The following FGF12 variants were observed in gnomAD, a reference collection of about 807,000 sequenced individuals.
The protein encoded by FGF12 is fibroblast growth factor 12B.
FGF12 carries 14 observed loss-of-function variants against 23.6 expected under a neutral mutation model. The ratio of observed to expected loss-of-function variants is 0.59; its 90% CI spans 0.39 to 0.93. The LOEUF is 0.93. Ranked by LOEUF, FGF12 falls within the 40% of genes least tolerant of loss-of-function variation. FGF12 has a pLI of 0.00. For synonymous variants in FGF12, 62 were observed against 77.3 expected, an observed-to-expected ratio of 0.80 and a Z score of 1.04; for missense variants, 175 against 217.8, an observed-to-expected ratio of 0.80 and a Z score of 1.24.
At chr3:192,726,067 T>C (rs1719204126) in intron 2 of FGF12, among the ~76,000 whole-genome samples, 1 of 152,192 alleles carries the variant, frequency 6.6e-6, no homozygotes, top group Admixed American at 6.5e-5. Flanking sequence ...ACCAATTAAA[T>C]ACTTAAAACA....
intron 4 of FGF12, among the ~76,000 whole-genome samples, chr3:192,213,332 A>T (rs758473072): frequency 5.3e-5 from 8 of 152,092 alleles, no homozygotes; most frequent in Non-Finnish European, 1.2e-4. Context: ...TGGATGAATC[A>T]GAATAGGAAT....
At position 192,187,649 on chromosome 3, in the gene FGF12, A is replaced by G. The variant is rs536496277; in HGVS notation, c.229-16993T>C. On this transcript the variant is annotated intron_variant, in intron 4 of 5. Transcript: ENST00000445105. ...AAGTGATAATGCTTCCTTCTTGAAT[A>G]AGAATCAGGACCAAGGAGAGCTTCC... is the stretch of plus-strand genomic sequence containing the variant. 3.9e-5 allele frequency among the ~76,000 whole-genome samples: 6 copies of G among 152,342 alleles called. No homozygotes were observed. In the South Asian group the frequency reaches 1.2e-3, roughly 32 times the overall value.
chr3:192,378,026 T>TTTTCTTTCTTTCTTTCTTTCTCTC (rs1719607878), intron 2 of FGF12, among the ~76,000 whole-genome samples: 1 of 69,442 alleles, frequency 1.4e-5, no homozygotes, highest in Non-Finnish European at 2.7e-5. Context: ...TGACTCTTTC[T>TTTTCTTTCTTTCTTTCTTTCTCTC]TTTCTTTCTT....
chr3:192,602,806 C>T (rs1714169557), intron 2 of FGF12, among the ~76,000 whole-genome samples: 2 of 151,408 alleles, frequency 1.3e-5, no homozygotes, highest in Non-Finnish European at 2.9e-5. Context: ...TACTAGCAAA[C>T]CAAATCCAGC....
intron 4 of FGF12, chr3:192,267,180 G>A (rs1178441531): frequency 6.6e-6 from 1 of 152,058 alleles, no homozygotes; most frequent in Non-Finnish European, 1.5e-5. Flanking sequence ...TCCTTGGAAA[G>A]GTGATTTCGT....
At chr3:192,559,845 T>A (rs200057663) in intron 2 of FGF12, among the ~76,000 whole-genome samples, 1 of 151,878 alleles carries the variant, frequency 6.6e-6, no homozygotes, top group South Asian at 2.1e-4. Context: ...GTTAATGAAT[T>A]AAAAAAATCA....
At chr3:192,420,924 G>A (rs537594659) in intron 2 of FGF12, among the ~76,000 whole-genome samples, 17 of 151,876 alleles carry the variant, frequency 1.1e-4, no homozygotes, top group Admixed American at 5.9e-4. Context: ...TCACAATTTG[G>A]AAAAACTCAA....
At chr3:192,259,813 G>T (rs947864523) in intron 4 of FGF12, among the ~76,000 whole-genome samples, 84 of 152,066 alleles carry the variant, frequency 5.5e-4, no homozygotes, top group Admixed American at 2.0e-4. Context: ...GTTTGCTGAA[G>T]CATAGGATGT....
chr3:192,446,203 T>C (rs979309697), intron 2 of FGF12, among the ~76,000 whole-genome samples: 3 of 152,230 alleles, frequency 2.0e-5, no homozygotes, highest in Admixed American at 2.0e-4. Flanking sequence ...AAGTGACTAC[T>C]TAAAAAGCTA....
At chr3:192,187,658 G>C (rs1007826051) in intron 4 of FGF12, among the ~76,000 whole-genome samples, 1 of 152,128 alleles carries the variant, frequency 6.6e-6, no homozygotes, top group Admixed American at 6.6e-5. Context: ...TAAGAATCAG[G>C]ACCAAGGAGA....
At position 192,723,861 on chromosome 3, in the gene FGF12, G is replaced by GAGAA. The variant is rs1386741779; in HGVS notation, c.13+3319_13+3320insTTCT. ...GGGAGGTGAGAGTGTGTGTGTGTGT[G>GAGAA]TGAGAGAGAGAGAGAGAGGAGAGGA... On this transcript the variant is annotated intron_variant, in intron 2 of 5. Transcript: ENST00000445105. Among the ~76,000 whole-genome samples, 3 of 127,238 alleles carry GAGAA rather than the reference G, an allele frequency of 2.4e-5. No homozygotes were observed. The East Asian group carries it at 9.1e-4, about 39-fold the overall frequency. 83.5% of individuals were successfully genotyped at this position (127,238 alleles called of 152,430 possible). A position where few individuals can be genotyped will look rare whatever the true frequency, so the allele number is the denominator to read the frequency against.
At chr3:192,389,410 A>C (rs1327169661) in intron 2 of FGF12, among the ~76,000 whole-genome samples, 1 of 152,240 alleles carries the variant, frequency 6.6e-6, no homozygotes. Context: ...GTCTGGGACA[A>C]TCTAGATCAA....
chr3:192,191,508 C>T (rs1263552641), intron 4 of FGF12, among the ~76,000 whole-genome samples: 1 of 151,984 alleles, frequency 6.6e-6, no homozygotes, highest in Non-Finnish European at 1.5e-5. Flanking sequence ...GTAACTTTTT[C>T]TCCATTTTTC....
chr3:192,181,892 G>C (rs1176167514), intron 4 of FGF12, among the ~76,000 whole-genome samples: 1 of 151,602 alleles, frequency 6.6e-6, no homozygotes, highest in African/African-American at 2.4e-5. Context: ...TTACAGACAT[G>C]GGCCACCATG....
At chr3:192,351,666 G>A (rs1162022323) in intron 3 of FGF12, among the ~76,000 whole-genome samples, 5 of 152,172 alleles carry the variant, frequency 3.3e-5, no homozygotes, top group African/African-American at 7.2e-5. Context: ...AATCTCCATT[G>A]CTTGGCTAAG....
At chr3:192,423,403 C>T (rs545683557) in intron 2 of FGF12, among the ~76,000 whole-genome samples, 21 of 152,214 alleles carry the variant, frequency 1.4e-4, no homozygotes, top group African/African-American at 5.1e-4. Flanking sequence ...CATTAAGTCG[C>T]TAAATTCTCG....
intron 5 of FGF12, among the ~76,000 whole-genome samples, chr3:192,158,566 TTCTTTC>T (rs1381807171): frequency 2.8e-4 from 33 of 117,096 alleles, no homozygotes; most frequent in African/African-American, 1.2e-3. Context: ...CTCCCTCCCT[TTCTTTC>T]TCTTTCTTTC....
chr3:192,608,020 T>C (rs1241477408), intron 2 of FGF12, among the ~76,000 whole-genome samples: 1 of 152,066 alleles, frequency 6.6e-6, no homozygotes, highest in Non-Finnish European at 1.5e-5. Context: ...TTGAGGCCAT[T>C]GTTAAGTGAA....
At position 192,140,750 on chromosome 3, in the gene FGF12, C is replaced by T. The variant is rs565925812; in HGVS notation, c.*3259G>A. On this transcript the variant is annotated 3_prime_UTR_variant, in exon 6 of 6. Transcript: ENST00000445105. The stretch of plus-strand genomic sequence containing the variant: ...GCATTACATTGATATCTCTTTATTG[C>T]GCCAATCCATAATGGCTAAAAATGT... 7.9e-5 allele frequency: 12 copies of T among 151,962 alleles called. No homozygotes were observed. The East Asian group carries it at 9.7e-4, about 12-fold the overall frequency. The allele number at this position is 151,962 out of a possible 1,614,324, so 9.4% of individuals were successfully genotyped here.
Sources: gnomAD v4.1 joint callset for allele counts (sites outside exome capture counted in the v4.1 genomes callset) on GRCh38, gnomAD v4.1.1 for gene constraint, MANE v1.5 for transcripts, NCBI Gene and HGNC (gene_info 2026-07-23, HGNC 2026-07-21) for gene names.